The following XKR6 variants were observed in gnomAD, a reference collection of about 807,000 sequenced individuals.
XKR6 encodes XK-related protein 6.
Under a neutral mutation model 56.7 loss-of-function variants are expected in XKR6, and 22 were observed. The observed-to-expected ratio is 0.39, with a 90% CI of 0.28 to 0.55. The LOEUF is 0.55. Among genes scored for constraint, XKR6 ranks in the 20% least tolerant of loss-of-function variants. The probability of loss-of-function intolerance (pLI) is 0.66; values close to 1 mark genes in which losing one functional copy is unlikely to be tolerated. For missense variants in XKR6, 852 were observed against 889.0 expected, an observed-to-expected ratio of 0.96 and a Z score of 0.53; for synonymous variants, 524 against 387.8, an observed-to-expected ratio of 1.35 and a Z score of -4.13.
intron 1 of XKR6, among the ~76,000 whole-genome samples, chr8:11,135,155 G>A (rs570922439): frequency 1.6e-4 from 24 of 151,178 alleles, no homozygotes; most frequent in African/African-American, 4.4e-4. Flanking sequence ...TCAGCCTCCC[G>A]AGTAGCTGGG....
intron 1 of XKR6, among the ~76,000 whole-genome samples, chr8:10,960,249 G>A (rs559308015): frequency 6.6e-6 from 1 of 151,586 alleles, no homozygotes; most frequent in East Asian, 1.9e-4. Flanking sequence ...TAGCAGGTAG[G>A]TGCAGGTATA....
At chr8:11,195,095 A>G in intron 1 of XKR6, 1 of 702,638 alleles carries the variant, frequency 1.4e-6, no homozygotes, top group South Asian at 1.5e-5. Flanking sequence ...ACTTACCCTC[A>G]CAGCTAAGCA....
At position 10,898,906 on chromosome 8, in the gene XKR6, A is replaced by G. The variant is rs1799959706; in HGVS notation, c.972T>C (p.Ser324=). ...NSAETLPCVS[S]VTSLMSLAWV... ...AAGCCAGGGACATCAGGGAAGTCACAGAGGAGACACCTGCCGGAAAGACAC... is the reference window on the plus strand; with the variant it reads ...AAGCCAGGGACATCAGGGAAGTCACGGAGGAGACACCTGCCGGAAAGACAC... The change falls in exon 3 of 3, where the codon TCT becomes TCC. Residue 324 remains serine (S), a synonymous_variant. Transcript: ENST00000416569. This position sits in a 1 kb window ranked among gnomAD's most constrained non-coding sequence, Gnocchi z 6.6. 1.2e-6 allele frequency: 2 copies of G among 1,605,996 alleles called. No homozygotes were observed. The highest frequency in any genetic ancestry group is 1.7e-6 in the Non-Finnish European group (2 of 1,175,732).
At chr8:11,150,506 A>C (rs1041025796) in intron 1 of XKR6, among the ~76,000 whole-genome samples, 7 of 152,132 alleles carry the variant, frequency 4.6e-5, no homozygotes, top group African/African-American at 1.7e-4. Flanking sequence ...CCATTTTTTA[A>C]ACTGGAATAT....
At position 11,055,121 on chromosome 8, in the gene XKR6, G is replaced by A. The variant is rs114266400; in HGVS notation, c.765-130291C>T. 4.2e-3 allele frequency among the ~76,000 whole-genome samples: 639 copies of A among 152,268 alleles called. 2 individuals carry two copies. The highest frequency in any genetic ancestry group is 0.015 in the African/African-American group (623 of 41,548). On this transcript the variant is annotated intron_variant, in intron 1 of 2. Transcript: ENST00000416569. ...ATGGTAAGGCTGACTTTATTCAGGG[G>A]GACTGCCACCCAAGTATAGGGACTA...
chr8:10,979,729 T>G (rs1185574289), intron 1 of XKR6, among the ~76,000 whole-genome samples: 1 of 152,176 alleles, frequency 6.6e-6, no homozygotes, highest in Admixed American at 6.5e-5. Context: ...CTCCTGACCC[T>G]CTGTTCCCTG....
At chr8:10,965,826 G>A (rs1383679173) in intron 1 of XKR6, among the ~76,000 whole-genome samples, 1 of 152,352 alleles carries the variant, frequency 6.6e-6, no homozygotes, top group South Asian at 2.1e-4. Context: ...ACGGAGAGGA[G>A]CTCATGATTC....
At chr8:10,938,350 TC>T (rs1008656542) in intron 1 of XKR6, among the ~76,000 whole-genome samples, 4 of 152,000 alleles carry the variant, frequency 2.6e-5, no homozygotes, top group African/African-American at 9.7e-5. Context: ...AATGCAGAAA[TC>T]CCCCGTCTTC....
At chr8:11,103,131 G>T (rs966341450) in intron 1 of XKR6, among the ~76,000 whole-genome samples, 1 of 152,004 alleles carries the variant, frequency 6.6e-6, no homozygotes, top group Non-Finnish European at 1.5e-5. Context: ...TAGAAGAAAT[G>T]GCAGCTACTG....
intron 1 of XKR6, among the ~76,000 whole-genome samples, chr8:11,199,131 T>C (rs1271894793): frequency 2.0e-5 from 3 of 152,230 alleles, no homozygotes; most frequent in Non-Finnish European, 4.4e-5. Context: ...GGAAACAAAT[T>C]ATCTGCAGAC....
intron 1 of XKR6, among the ~76,000 whole-genome samples, chr8:10,970,728 G>A (rs1802384372): frequency 6.7e-6 from 1 of 149,658 alleles, no homozygotes; most frequent in South Asian, 2.1e-4. Flanking sequence ...ATTTTAACTA[G>A]AGAACTACCT....
At chr8:11,157,824 A>AT (rs970621842) in intron 1 of XKR6, among the ~76,000 whole-genome samples, 2 of 152,052 alleles carry the variant, frequency 1.3e-5, no homozygotes, top group Non-Finnish European at 2.9e-5. Flanking sequence ...CAAAATGTTT[A>AT]TTTCTTAGAG....
chr8:10,914,589 T>C (rs933300627), intron 2 of XKR6, among the ~76,000 whole-genome samples: 7 of 152,308 alleles, frequency 4.6e-5, no homozygotes, highest in Admixed American at 4.6e-4. Context: ...TGAAATGGGC[T>C]TCAGGAGGCT....
intron 1 of XKR6, among the ~76,000 whole-genome samples, chr8:11,180,788 T>C (rs1436071024): frequency 2.6e-5 from 4 of 151,934 alleles, no homozygotes; most frequent in Non-Finnish European, 5.9e-5. Flanking sequence ...GCACCTGTAG[T>C]CCCAGCTTCT....
At chr8:10,996,489 G>A (rs1179751731) in intron 1 of XKR6, among the ~76,000 whole-genome samples, 1 of 152,290 alleles carries the variant, frequency 6.6e-6, no homozygotes, top group African/African-American at 2.4e-5. Flanking sequence ...ATACTGCTAA[G>A]AGCAAGAAAG....
chr8:11,098,412 T>G (rs79382949), intron 1 of XKR6, among the ~76,000 whole-genome samples: 8,102 of 152,212 alleles, frequency 0.053, 307 homozygotes, highest in South Asian at 0.083. Flanking sequence ...GGTCCTATTT[T>G]TAGCAGTCTC....
intron 1 of XKR6, chr8:11,113,982 T>C (rs1054087967): frequency 8.4e-6 from 3 of 358,504 alleles, no homozygotes; most frequent in Non-Finnish European, 1.1e-5. Context: ...CCATTTACCA[T>C]GCGGGCTGAA....
chr8:11,185,163 G>A (rs1431755906), intron 1 of XKR6, among the ~76,000 whole-genome samples: 2 of 152,128 alleles, frequency 1.3e-5, no homozygotes, highest in South Asian at 2.1e-4. Context: ...CAGGACTGGT[G>A]CCCGCCGTGT....
At position 11,200,445 on chromosome 8, in the gene XKR6, G is replaced by A; in HGVS notation, c.764+131C>T. The A allele has an allele frequency of 1.7e-6, 2 of 1,200,876 alleles. No individual in the cohort carries two copies. Among genetic ancestry groups the A allele is most frequent in the Non-Finnish European group, 2.1e-6 (2 of 931,992 alleles). 74.4% of individuals were successfully genotyped at this position (1,200,876 alleles called of 1,614,324 possible). A position where few individuals can be genotyped will look rare whatever the true frequency, so the allele number is the denominator to read the frequency against. On this transcript the variant is annotated intron_variant, in intron 1 of 2. Transcript: ENST00000416569. This position sits in a 1 kb window ranked among gnomAD's most constrained non-coding sequence, Gnocchi z 6.4. The stretch of plus-strand genomic sequence containing the variant: ...ACGCCGGTCTTTTGGAGACGCCAGG[G>A]GCGGCGCGCGGCCGGTCCCTCCTTC...
Sources: gnomAD v4.1 joint callset for allele counts (sites outside exome capture counted in the v4.1 genomes callset) on GRCh38, gnomAD v4.1.1 for gene constraint, Gnocchi (gnomAD v3.1) non-coding constraint, MANE v1.5 for transcripts, NCBI Gene and HGNC (gene_info 2026-07-23, HGNC 2026-07-21) for gene names.